The following HTR4 variants were observed in gnomAD, a reference collection of about 807,000 sequenced individuals.
The protein encoded by HTR4 is 5-hydroxytryptamine receptor 4.
Under a neutral mutation model 36.8 loss-of-function variants are expected in HTR4, and 16 were observed. The ratio of observed to expected loss-of-function variants is 0.43; its 90% CI spans 0.29 to 0.66. The LOEUF (loss-of-function observed/expected upper bound fraction) is 0.66. Among genes scored for constraint, HTR4 ranks in the 30% least tolerant of loss-of-function variants. The pLI, the probability that HTR4 is intolerant of heterozygous loss-of-function variation, is 0.13. For synonymous variants in HTR4, 189 were observed against 185.1 expected (o/e 1.02, Z -0.17); for missense variants, 438 against 490.9 (o/e 0.89, Z 1.02).
At position 148,481,839 on chromosome 5, in the gene HTR4, T is replaced by C; in HGVS notation, c.*1364A>G. 7.6e-7 allele frequency: 1 copy of C among 1,308,546 alleles called. No homozygotes were observed. Among genetic ancestry groups the C allele is most frequent in the Non-Finnish European group, 9.7e-7 (1 of 1,034,402 alleles). The allele number at this position is 1,308,546 out of a possible 1,614,324, so 81.1% of individuals were successfully genotyped here. ...CTGACTCAGCTTTGAATAAAAGACATCCAGATTAATCTGAAGGACAAAGCT... is the reference window on the plus strand; with the variant it reads ...CTGACTCAGCTTTGAATAAAAGACACCCAGATTAATCTGAAGGACAAAGCT... On this transcript the variant is annotated 3_prime_UTR_variant, in exon 7 of 7. Coordinates refer to ENST00000377888, the MANE Select transcript of HTR4 (RefSeq NM_000870.7).
intron 5 of HTR4, among the ~76,000 whole-genome samples, chr5:148,514,215 A>G (rs1757627768): frequency 6.6e-6 from 1 of 152,118 alleles, no homozygotes; most frequent in African/African-American, 2.4e-5. Context: ...TAATTTACTA[A>G]GTATGATATT....
At chr5:148,524,136 G>A (rs1241998657) in intron 4 of HTR4, among the ~76,000 whole-genome samples, 3 of 152,050 alleles carry the variant, frequency 2.0e-5, no homozygotes, top group Non-Finnish European at 4.4e-5. Context: ...TGAACAACCT[G>A]GAGCTTGCAT....
rs1268225207 is a variant in HTR4 at position 148,608,269 on chromosome 5, T to C, written c.26+28720A>G. Among the ~76,000 whole-genome samples the C allele has an allele frequency of 2.0e-5, 3 of 152,188 alleles. No individual in the cohort carries two copies. In the East Asian group the frequency reaches 5.8e-4, roughly 29 times the overall value. On this transcript the variant is annotated intron_variant, in intron 2 of 6. Coordinates refer to ENST00000377888, the MANE Select transcript of HTR4 (RefSeq NM_000870.7). ...GCCTGCCTTCATGTATCTTAAAGTC[T>C]TGCAGGGGAAACAAACAAACAGGCA...
At chr5:148,637,551 G>C (rs1753588907) in intron 1 of HTR4, among the ~76,000 whole-genome samples, 1 of 152,054 alleles carries the variant, frequency 6.6e-6, no homozygotes, top group African/African-American at 2.4e-5. Flanking sequence ...GAAAAAAATA[G>C]ATACGCATGC....
intron 4 of HTR4, among the ~76,000 whole-genome samples, chr5:148,528,841 C>G (rs1440545880): frequency 6.6e-6 from 1 of 152,040 alleles, no homozygotes; most frequent in African/African-American, 2.4e-5. Context: ...GCAAAATGCA[C>G]TGGCTGGTTT....
At chr5:148,483,346 TC>T in intron 6 of HTR4, 53 bp from the exon 7 acceptor site, 1 of 1,526,032 alleles carries the variant, frequency 6.6e-7, no homozygotes, top group Non-Finnish European at 9.0e-7. Context: ...ATGTTGCAGA[TC>T]ATCTCCTGAA....
chr5:148,625,577 TG>T (rs1363196232), intron 2 of HTR4, among the ~76,000 whole-genome samples: 1 of 152,098 alleles, frequency 6.6e-6, no homozygotes, highest in African/African-American at 2.4e-5. Context: ...TTTGTTTGTT[TG>T]GGGTTTTTTT....
chr5:148,486,274 A>G (rs1240462108), intron 6 of HTR4, among the ~76,000 whole-genome samples: 1 of 152,166 alleles, frequency 6.6e-6, no homozygotes, highest in Non-Finnish European at 1.5e-5. Context: ...GCCTTCATGC[A>G]TGATAAAAAA....
At chr5:148,636,221 C>T (rs1184767430) in intron 2 of HTR4, among the ~76,000 whole-genome samples, 5 of 152,132 alleles carry the variant, frequency 3.3e-5, no homozygotes, top group African/African-American at 4.8e-5. Flanking sequence ...AGGCACAAGG[C>T]CCCTGATCTA....
intron 5 of HTR4, among the ~76,000 whole-genome samples, chr5:148,517,559 TC>T: frequency 6.6e-6 from 1 of 152,184 alleles, no homozygotes; most frequent in Non-Finnish European, 1.5e-5. Context: ...CTCACTCTAA[TC>T]TTCTAGTTGC....
chr5:148,509,569 A>G lies in HTR4; in HGVS notation c.963T>C (p.Arg321=). 2 of 1,614,108 alleles carry G rather than the reference A, an allele frequency of 1.2e-6. No homozygotes were observed. The highest frequency in any genetic ancestry group is 2.7e-5 in the African/African-American group (2 of 75,064). ...LYAFLNKSFR[R]AFLIILCCDD... is the part of the protein sequence containing the mutation. ...CACAGCAGAGGATGATGAGGAAGGCACGTCTAAAAGACTTATTCAAGAAGG... is the reference window on the plus strand; with the variant it reads ...CACAGCAGAGGATGATGAGGAAGGCGCGTCTAAAAGACTTATTCAAGAAGG... The change falls in exon 6 of 7, where the codon CGT becomes CGC. Residue 321 remains arginine, a synonymous_variant. Transcript: ENST00000377888.
chr5:148,510,073 A>G, intron 5 of HTR4, 49 bp from the exon 6 acceptor site: 1 of 1,287,722 alleles, frequency 7.8e-7, no homozygotes, highest in Non-Finnish European at 1.1e-6. Flanking sequence ...TAAAAAGGAA[A>G]GAAAAAGTGA....
chr5:148,452,143 G>T (rs1371476900), intron 5 of HTR4, among the ~76,000 whole-genome samples: 1 of 152,198 alleles, frequency 6.6e-6, no homozygotes, highest in African/African-American at 2.4e-5. Flanking sequence ...ATAATTTATT[G>T]TTGATTTGTA....
chr5:148,626,471 T>A (rs1297234536), intron 2 of HTR4, among the ~76,000 whole-genome samples: 1 of 152,232 alleles, frequency 6.6e-6, no homozygotes, highest in Admixed American at 6.5e-5. Context: ...GTATTTACTA[T>A]GAAAAATATT....
rs201183000 is a variant in HTR4, at chr5:148,654,061, C to T, written c.-48+1G>A. 1.0e-6 allele frequency: 1 copy of T among 985,342 alleles called. No homozygotes were observed. Among genetic ancestry groups the T allele is most frequent in the Non-Finnish European group, 1.2e-6 (1 of 829,900 alleles). 61.0% of individuals were successfully genotyped at this position (985,342 alleles called of 1,614,324 possible). ...ACCCCCGGCGCACTTGCCGCACATA[C>T]CCGCTGCCAGAGGCGAGGGAGCGAG... is the stretch of plus-strand genomic sequence containing the variant. On this transcript the variant is annotated splice_donor_variant, in intron 1 of 6. Coordinates refer to ENST00000377888, the MANE Select transcript of HTR4 (RefSeq NM_000870.7). LOFTEE classifies it low-confidence loss of function (5UTR_SPLICE).
At chr5:148,472,514 T>TA (rs149491581), downstream of HTR4, among the ~76,000 whole-genome samples, 98 of 152,290 alleles carry the variant, frequency 6.4e-4, no homozygotes, top group East Asian at 0.01. Context: ...TATTGTTGTT[T>TA]AGTTTTATGT....
At chr5:148,638,174 C>T (rs895060783) in intron 1 of HTR4, among the ~76,000 whole-genome samples, 3 of 152,142 alleles carry the variant, frequency 2.0e-5, no homozygotes, top group African/African-American at 7.2e-5. Flanking sequence ...GACCTCGACT[C>T]TCTGTGTTTT....
At chr5:148,488,232 A>T (rs1187595466) in intron 6 of HTR4, among the ~76,000 whole-genome samples, 1 of 152,204 alleles carries the variant, frequency 6.6e-6, no homozygotes, top group African/African-American at 2.4e-5. Context: ...GTGTTCTGTG[A>T]GTGACATCTC....
intron 2 of HTR4, among the ~76,000 whole-genome samples, chr5:148,627,344 T>TGAC: frequency 6.6e-6 from 1 of 152,156 alleles, no homozygotes; most frequent in East Asian, 1.9e-4. Flanking sequence ...GTTTGTCGAT[T>TGAC]TTTTTAACAT....
Sources: allele counts gnomAD v4.1 joint callset (sites outside exome capture counted in the v4.1 genomes callset), GRCh38; gene constraint gnomAD v4.1.1; transcripts MANE v1.5; gene names NCBI Gene and HGNC (gene_info 2026-07-23, HGNC 2026-07-21).